Variants in UGT1A5 observed in about 807,000 individuals in gnomAD.
UGT1A5 encodes UDP glucuronosyltransferase family 1 member A5.
A neutral mutation model predicts 40.3 loss-of-function variants in UGT1A5; 29 were observed. The ratio of observed to expected loss-of-function variants is 0.72; its 90% confidence interval spans 0.54 to 0.98. UGT1A5 has a LOEUF of 0.98. Among genes scored for constraint, UGT1A5 ranks in the 50% least tolerant of loss-of-function variants. UGT1A5 has a pLI of 0.00. For missense variants in UGT1A5, 678 were observed against 677.9 expected (o/e 1.00, Z 0.00); for synonymous variants, 257 against 262.5 (o/e 0.98, Z 0.20).
rs746130687 is a variant in UGT1A5 at position 233,713,609 on chromosome 2, A to G, written c.618A>G (p.Thr206=). 4 of 1,613,842 alleles carry G rather than the reference A, an allele frequency of 2.5e-6. No individual in the cohort carries two copies. In the African/African-American group the frequency reaches 4.0e-5, roughly 16 times the overall value. Residue 206 remains threonine (T), a synonymous_variant, in exon 1 of 5, where the codon ACA becomes ACG. Transcript: ENST00000373414. ...RLLTTNSDHM[T]FLQRVKNMLY... is the part of the protein sequence containing the mutation. ...TAACGACCAATTCAGACCACATGACATTCCTGCAAAGGGTCAAGAACATGC... is the reference window on the plus strand; with the variant it reads ...TAACGACCAATTCAGACCACATGACGTTCCTGCAAAGGGTCAAGAACATGC...
rs1402527560 is a variant in UGT1A5, at chr2:233,772,791, CAT to C, written c.*233_*234del. On this transcript the variant is annotated 3_prime_UTR_variant, in exon 5 of 5. Transcript: ENST00000373414. Reference sequence around the variant, plus strand: ...CCTCTGGTGTCTTTGATCAGGATGACATGTGCCATTTTTCAGAGGACGTGCAG... The same window carrying C: ...CCTCTGGTGTCTTTGATCAGGATGACGTGCCATTTTTCAGAGGACGTGCAG... The C allele has an allele frequency of 3.3e-6, 4 of 1,224,574 alleles. No homozygotes were observed. The highest frequency in any genetic ancestry group is 1.7e-5 in the South Asian group (1 of 59,936). The allele number at this position is 1,224,574 out of a possible 1,614,324, so 75.9% of individuals were successfully genotyped here. A position where few individuals can be genotyped will look rare whatever the true frequency, so the allele number is the denominator to read the frequency against.
chr2:233,772,592 C>A lies in UGT1A5; in HGVS notation c.*33C>A. 1.3e-6 allele frequency: 2 copies of A among 1,599,668 alleles called. No homozygotes were observed. The highest frequency in any genetic ancestry group is 1.7e-6 in the Non-Finnish European group (2 of 1,172,304). On this transcript the variant is annotated 3_prime_UTR_variant, in exon 5 of 5. Transcript: ENST00000373414. ...GTGGGAAATAAGGTAAAATTTTGAA[C>A]CATTCCCTAGTCATTTCCAAACTTG...
At chr2:233,753,689 A>C (rs1483181557) in intron 1 of UGT1A5, 1 of 152,256 alleles carries the variant, frequency 6.6e-6, no homozygotes, top group African/African-American at 2.4e-5. Flanking sequence ...AAACAATATT[A>C]CAGATGCACT....
intron 1 of UGT1A5, chr2:233,760,693 C>T (rs1697531217): frequency 1.9e-6 from 3 of 1,614,162 alleles, no homozygotes; most frequent in Non-Finnish European, 2.5e-6. Flanking sequence ...CAACAAGGAG[C>T]TCATGGCCTC....
Position 233,772,565 on chromosome 2 carries a change from G to A in UGT1A5, c.*6G>A. ...ACAAATCCAAGACCCATTGAGAAGT[G>A]GGTGGGAAATAAGGTAAAATTTTGA... On this transcript the variant is annotated 3_prime_UTR_variant, in exon 5 of 5. Coordinates refer to ENST00000373414, the MANE Select transcript of UGT1A5 (RefSeq NM_019078.2). 6.2e-7 allele frequency: 1 copy of A among 1,613,202 alleles called. No homozygotes were observed.
chr2:233,772,237 A>G (rs1390917406), intron 4 of UGT1A5, 25 bp from the exon 5 acceptor site: 5 of 1,614,058 alleles, frequency 3.1e-6, no homozygotes, highest in Middle Eastern at 1.7e-4. Context: ...TGTTCCAGGC[A>G]TAACGAAACT....
At chr2:233,737,360 A>G (rs540165116) in intron 1 of UGT1A5, among the ~76,000 whole-genome samples, 5 of 152,246 alleles carry the variant, frequency 3.3e-5, no homozygotes, top group Admixed American at 6.5e-5. Flanking sequence ...GGAGCTGCTA[A>G]GCCAGGCAGG....
At chr2:233,743,758 G>C (rs761738753) in intron 1 of UGT1A5, 2 of 1,367,326 alleles carry the variant, frequency 1.5e-6, no homozygotes, top group African/African-American at 1.5e-5. Flanking sequence ...ACAACACCTC[G>C]TAGGCCTCGG....
chr2:233,729,309 C>T, intron 1 of UGT1A5: 3 of 1,614,256 alleles, frequency 1.9e-6, no homozygotes, highest in Non-Finnish European at 2.5e-6. Context: ...CAGTGGTCCT[C>T]ACCCCAGAGG....
intron 1 of UGT1A5, among the ~76,000 whole-genome samples, chr2:233,725,216 A>C (rs1559370373): frequency 4.4e-5 from 2 of 45,274 alleles, no homozygotes; most frequent in African/African-American, 2.5e-4. Flanking sequence ...AGGCAGAGGC[A>C]GAGGAGGCAG....
At chr2:233,736,707 G>C (rs536736454) in intron 1 of UGT1A5, among the ~76,000 whole-genome samples, 9 of 152,300 alleles carry the variant, frequency 5.9e-5, no homozygotes, top group African/African-American at 1.9e-4. Flanking sequence ...TTTTGGTGTA[G>C]ATGTCCTTTT....
rs764097812 is a variant in UGT1A5 at position 233,719,154 on chromosome 2, A to G, written c.867+5296A>G. 40 of 1,614,150 alleles carry G rather than the reference A, an allele frequency of 2.5e-5. No homozygotes were observed. Among genetic ancestry groups the G allele is most frequent in the Non-Finnish European group, 3.1e-5 (37 of 1,180,060 alleles). On this transcript the variant is annotated intron_variant, in intron 1 of 4. Transcript: ENST00000373414. ...AGAACATCTTCTGAAGAGATATTCT[A>G]GAAGTATGGCAATTATGAACAATGT...
intron 4 of UGT1A5, chr2:233,770,928 C>T (rs1253258024): frequency 6.6e-6 from 1 of 152,180 alleles, no homozygotes; most frequent in African/African-American, 2.4e-5. Context: ...GCTGACATCA[C>T]TTGGCTGCCG....
chr2:233,725,053 G>A (rs551262473), intron 1 of UGT1A5, among the ~76,000 whole-genome samples: 1,532 of 147,698 alleles, frequency 0.01, 141 homozygotes, highest in African/African-American at 0.035. Flanking sequence ...CAGGCGTGGC[G>A]GCGCGCGCCT....
rs1700543708 is a variant in UGT1A5 at position 233,772,722 on chromosome 2, T to TA, written c.*164dup. On this transcript the variant is annotated 3_prime_UTR_variant, in exon 5 of 5. Transcript: ENST00000373414. ...AAAAAATTCTCTTAAATAAAAATAA[T>TA]AGACTCGCTAGTCAGTAAAGATATT... 1 of 1,454,026 alleles carries TA rather than the reference T, an allele frequency of 6.9e-7. No homozygotes were observed. The highest frequency in any genetic ancestry group is 9.0e-7 in the Non-Finnish European group (1 of 1,106,108). The allele number at this position is 1,454,026 out of a possible 1,614,324, so 90.1% of individuals were successfully genotyped here. A position where few individuals can be genotyped will look rare whatever the true frequency, so the allele number is the denominator to read the frequency against.
At chr2:233,736,291 G>A (rs1279591906) in intron 1 of UGT1A5, among the ~76,000 whole-genome samples, 1 of 151,976 alleles carries the variant, frequency 6.6e-6, no homozygotes, top group Admixed American at 6.6e-5. Flanking sequence ...CTTTCTTCCA[G>A]TTGCTCTAAT....
intron 1 of UGT1A5, among the ~76,000 whole-genome samples, chr2:233,750,311 G>A (rs1694421303): frequency 6.6e-6 from 1 of 151,966 alleles, no homozygotes; most frequent in Admixed American, 6.5e-5. Flanking sequence ...CTAGAGATCT[G>A]TGGAACTTTG....
At chr2:233,750,930 T>C (rs542704180) in intron 1 of UGT1A5, among the ~76,000 whole-genome samples, 12 of 151,872 alleles carry the variant, frequency 7.9e-5, no homozygotes, top group Non-Finnish European at 1.5e-4. Context: ...AAATGTGAGG[T>C]TGGAGCCCCC....
At chr2:233,760,301 C>G (rs1697391714) in intron 1 of UGT1A5, 1 of 1,613,532 alleles carries the variant, frequency 6.2e-7, no homozygotes, top group South Asian at 1.1e-5. Flanking sequence ...GCTGTGGAGT[C>G]CCAGGGCGGA....
Sources: allele counts gnomAD v4.1 joint callset (sites outside exome capture counted in the v4.1 genomes callset), GRCh38; gene constraint gnomAD v4.1.1; transcripts MANE v1.5; gene names NCBI Gene and HGNC (gene_info 2026-07-23, HGNC 2026-07-21).